Variants in MCM10 observed in about 807,000 individuals in gnomAD.
MCM10 encodes the protein protein MCM10 homolog.
Under a neutral mutation model 109.9 loss-of-function variants are expected in MCM10, and 91 were observed. The ratio of observed to expected loss-of-function variants is 0.83; its 90% CI spans 0.70 to 0.99. The LOEUF (loss-of-function observed/expected upper bound fraction) is 0.99. MCM10 is among the 50% of genes least tolerant of loss of function. MCM10 has a pLI of 0.00. For missense variants in MCM10, 1,077 were observed against 1,061.2 expected (o/e 1.01, Z -0.21); for synonymous variants, 380 against 387.2 (o/e 0.98, Z 0.22).
intron 16 of MCM10, among the ~76,000 whole-genome samples, chr10:13,200,576 A>G (rs1388931776): frequency 6.6e-6 from 1 of 152,212 alleles, no homozygotes; most frequent in South Asian, 2.1e-4. Context: ...TGCAGAGCTG[A>G]GCTCCTCGCC....
At chr10:13,201,780 T>C (rs1834503653) in intron 17 of MCM10, 1 of 482,746 alleles carries the variant, frequency 2.1e-6, no homozygotes. Flanking sequence ...CCAGTTTGGA[T>C]GGGTCCTAAC....
chr10:13,204,088 A>G, intron 17 of MCM10, 131 bp from the exon 18 acceptor site: 1 of 1,040,680 alleles, frequency 9.6e-7, no homozygotes, highest in Admixed American at 2.6e-5. Context: ...AAGGTGGCCC[A>G]GTCCCCTAGC....
Position 13,189,467 on chromosome 10 carries a change from C to T in MCM10, c.1415+387C>T, listed in dbSNP as rs1391797880. On this transcript the variant is annotated intron_variant, in intron 10 of 19. Transcript: ENST00000378714. ...CCTCCTGAGTAGCTGGGACTACAGGCGCGTGCCACCACGCCCAGCTAATTT... is the reference window on the plus strand; with the variant it reads ...CCTCCTGAGTAGCTGGGACTACAGGTGCGTGCCACCACGCCCAGCTAATTT... Among the ~76,000 whole-genome samples the T allele has an allele frequency of 6.6e-5, 10 of 152,132 alleles. No homozygotes were observed. The East Asian group carries it at 7.8e-4, about 12-fold the overall frequency.
chr10:13,196,478 G>A (rs1178946306), intron 14 of MCM10, among the ~76,000 whole-genome samples: 4 of 151,686 alleles, frequency 2.6e-5, no homozygotes, highest in Non-Finnish European at 4.4e-5. Context: ...CTTGTGATAT[G>A]TGTGTGCCAT....
At chr10:13,200,431 A>T (rs139874931) in intron 16 of MCM10, among the ~76,000 whole-genome samples, 124 of 152,332 alleles carry the variant, frequency 8.1e-4, no homozygotes, top group Non-Finnish European at 1.4e-3. Flanking sequence ...CAATTTTCAA[A>T]ATATCCCCAT....
intron 2 of MCM10, among the ~76,000 whole-genome samples, chr10:13,165,097 G>A (rs928300320): frequency 1.3e-5 from 2 of 152,188 alleles, no homozygotes; most frequent in African/African-American, 4.8e-5. Flanking sequence ...CCCAGCAGAT[G>A]CCTGAAACCC....
intron 17 of MCM10, 150 bp downstream of exon 17, chr10:13,201,684 G>C: frequency 1.6e-6 from 1 of 622,460 alleles, no homozygotes; most frequent in African/African-American, 1.8e-5. Context: ...GGTGGCCCAG[G>C]ACCCGGCTTC....
rs1453373696 is a variant in MCM10, at chr10:13,191,416, A to T, written c.1516+17A>T. The T allele has an allele frequency of 1.9e-6, 3 of 1,602,208 alleles. No homozygotes were observed. In the Admixed American group the frequency reaches 5.0e-5, roughly 27 times the overall value. On this transcript the variant is annotated intron_variant, in intron 11 of 19. Transcript: ENST00000378714. Reference sequence around the variant, plus strand: ...AAAAACTCGGTAACTTTGTTTTTCCATAAGAAATTTCTTTCTCCAGTTTAA... The same window carrying T: ...AAAAACTCGGTAACTTTGTTTTTCCTTAAGAAATTTCTTTCTCCAGTTTAA...
rs749445077 is a variant in MCM10, at chr10:13,164,179, T to C, written c.-24T>C. The C allele has an allele frequency of 4.4e-6, 7 of 1,580,688 alleles. No homozygotes were observed. The African/African-American group carries it at 6.8e-5, about 15-fold the overall frequency. The stretch of plus-strand genomic sequence containing the variant: ...CATCTGAGCCTCCTTCGAAGTTTCC[T>C]GTCACAACTGTCCTCTTGACAGCAT... On this transcript the variant is annotated 5_prime_UTR_variant, in exon 2 of 20. Coordinates refer to ENST00000378714, the MANE Select transcript of MCM10 (RefSeq NM_018518.5).
chr10:13,205,481 G>A (rs1834567973), intron 18 of MCM10, among the ~76,000 whole-genome samples: 1 of 152,116 alleles, frequency 6.6e-6, no homozygotes, highest in Non-Finnish European at 1.5e-5. Context: ...GACTATTACT[G>A]TGATAAACAT....
At chr10:13,184,670 T>C (rs978846162) in intron 8 of MCM10, among the ~76,000 whole-genome samples, 4 of 152,234 alleles carry the variant, frequency 2.6e-5, no homozygotes, top group Non-Finnish European at 5.9e-5. Context: ...AACTTAAGTA[T>C]AGTTTCTTTT....
Position 13,194,915 on chromosome 10 carries a change from A to C in MCM10, c.1746-126A>C, listed in dbSNP as rs115310296. On this transcript the variant is annotated intron_variant, in intron 13 of 19. Transcript: ENST00000378714. ...ATTTGAATTACCAGCCTAGAAGGGGACATTATTTTGCTAACAACTAGCTCC... is the reference window on the plus strand; with the variant it reads ...ATTTGAATTACCAGCCTAGAAGGGGCCATTATTTTGCTAACAACTAGCTCC... The C allele has an allele frequency of 1.1e-3, 735 of 693,374 alleles. 5 individuals are homozygous for C. In the African/African-American group the frequency reaches 0.011, roughly 11 times the overall value. 43.0% of individuals were successfully genotyped at this position (693,374 alleles called of 1,614,324 possible). A position where few individuals can be genotyped will look rare whatever the true frequency, so the allele number is the denominator to read the frequency against.
At chr10:13,180,039 A>G (rs1014054683) in intron 6 of MCM10, among the ~76,000 whole-genome samples, 1 of 152,218 alleles carries the variant, frequency 6.6e-6, no homozygotes, top group Non-Finnish European at 1.5e-5. Context: ...AGATCGCTTG[A>G]GGCCAGGAGT....
chr10:13,176,099 T>G (rs1364496232), intron 6 of MCM10, among the ~76,000 whole-genome samples: 1 of 152,200 alleles, frequency 6.6e-6, no homozygotes, highest in Non-Finnish European at 1.5e-5. Context: ...TTGGCTCTTC[T>G]GGGTCTTTTG....
rs144609336 is a variant in MCM10, at chr10:13,194,213, G to A, written c.1746-828G>A. 3.5e-3 allele frequency among the ~76,000 whole-genome samples: 536 copies of A among 152,208 alleles called. 2 individuals carry two copies. The highest frequency in any genetic ancestry group is 0.012 in the African/African-American group (507 of 41,532). ...ATCCTGTCTCTACAAACAGTACAAA[G>A]ATTAGCTGGGCATGGTGGTGCACAC... is the stretch of plus-strand genomic sequence containing the variant. On this transcript the variant is annotated intron_variant, in intron 13 of 19. Transcript: ENST00000378714.
In MCM10 at chr10:13,209,112, G is replaced by C. The variant is rs564430050; in HGVS notation, c.2520G>C (p.Trp840Cys). The C allele has an allele frequency of 2.5e-6, 4 of 1,613,188 alleles. No individual in the cohort carries two copies. In the East Asian group the frequency reaches 6.7e-5, roughly 27 times the overall value. ...TCAGTAACTGTGGCCTCTACAAATGGGAACGGGACGGAATGCTAAAGGTAT... is the reference window on the plus strand; with the variant it reads ...TCAGTAACTGTGGCCTCTACAAATGCGAACGGGACGGAATGCTAAAGGTAT... ...KHCSNCGLYKWERDGMLKEKT... is the reference protein window; with the variant it reads ...KHCSNCGLYKCERDGMLKEKT... Residue 840 changes from tryptophan (W) to cysteine (C), a missense_variant, in exon 19 of 20, where the codon TGG becomes TGC. Transcript: ENST00000378714.
chr10:13,162,019 G>T lies in MCM10; in HGVS notation c.-76+413G>T, dbSNP rs1037844736. On this transcript the variant is annotated intron_variant, in intron 1 of 19. Transcript: ENST00000378714. Reference sequence around the variant, plus strand: ...CCTTCACAGCGCTTACAGTTTAAAGGCACGAGCAGGTAGTAAACAAATGCA... The same window carrying T: ...CCTTCACAGCGCTTACAGTTTAAAGTCACGAGCAGGTAGTAAACAAATGCA... 3.3e-5 allele frequency among the ~76,000 whole-genome samples: 5 copies of T among 152,336 alleles called. No homozygotes were observed. In the South Asian group the frequency reaches 1.0e-3, roughly 32 times the overall value.
At chr10:13,193,295 C>T (rs1309833104) in intron 13 of MCM10, among the ~76,000 whole-genome samples, 1 of 143,712 alleles carries the variant, frequency 7.0e-6, no homozygotes, top group Non-Finnish European at 1.5e-5. Context: ...TTGGCTTCAG[C>T]CAATAATTAA....
At chr10:13,169,782 T>C (rs1213739084) in intron 2 of MCM10, among the ~76,000 whole-genome samples, 1 of 152,228 alleles carries the variant, frequency 6.6e-6, no homozygotes, top group East Asian at 1.9e-4. Flanking sequence ...CTCGGCTCAC[T>C]GCAACCTCCA....
Sources: allele counts gnomAD v4.1 joint callset (sites outside exome capture counted in the v4.1 genomes callset), GRCh38; gene constraint gnomAD v4.1.1; transcripts MANE v1.5; gene names NCBI Gene and HGNC (gene_info 2026-07-23, HGNC 2026-07-21).